HERC3: variants seen among roughly 807,000 people sequenced by gnomAD.
HERC3 encodes the protein probable E3 ubiquitin-protein ligase HERC3.
In HERC3, 58 loss-of-function variants were observed where a neutral mutation model predicts 129.9. The observed-to-expected ratio is 0.45, with a 90% CI of 0.36 to 0.56. The LOEUF (loss-of-function observed/expected upper bound fraction) is 0.56. HERC3 is among the 20% of genes least tolerant of loss of function. HERC3 has a pLI of 0.00. For synonymous variants in HERC3, 430 were observed against 451.0 expected, an observed-to-expected ratio of 0.95 and a Z score of 0.59; for missense variants, 835 against 1,244.2, an observed-to-expected ratio of 0.67 and a Z score of 4.95.
At chr4:88,537,217 A>C in the HERC3 span, among the ~76,000 whole-genome samples, 2 of 152,226 alleles carry the variant, frequency 1.3e-5, no homozygotes, top group Non-Finnish European at 2.9e-5. Context: ...AGCAAAAGGA[A>C]AAGGATTTCT....
the HERC3 span, among the ~76,000 whole-genome samples, chr4:88,536,662 G>A: frequency 9.7e-4 from 147 of 152,164 alleles, no homozygotes; most frequent in Non-Finnish European, 2.0e-3. Context: ...AATATGTCTA[G>A]TACCAAATGT....
chr4:88,688,581 A>T (rs1733724781), intron 23 of HERC3, among the ~76,000 whole-genome samples: 1 of 152,226 alleles, frequency 6.6e-6, no homozygotes, highest in Non-Finnish European at 1.5e-5. Context: ...TTCAAACACT[A>T]ATAGGAAACA....
chr4:88,660,549 G>A (rs1730385402), intron 10 of HERC3, among the ~76,000 whole-genome samples: 1 of 152,132 alleles, frequency 6.6e-6, no homozygotes, highest in Non-Finnish European at 1.5e-5. Context: ...TTACTGCCAG[G>A]CCTTAGGTGA....
chr4:88,559,164 A>C, the HERC3 span, among the ~76,000 whole-genome samples: 3 of 152,302 alleles, frequency 2.0e-5, no homozygotes, highest in African/African-American at 7.2e-5. Flanking sequence ...CTTGGTGATG[A>C]CCTTGAGCAG....
At chr4:88,615,154 T>A (rs1203251548) in intron 3 of HERC3, among the ~76,000 whole-genome samples, 1 of 152,178 alleles carries the variant, frequency 6.6e-6, no homozygotes, top group Non-Finnish European at 1.5e-5. Context: ...TTTTTGTAAA[T>A]CCACCCTTTA....
intron 10 of HERC3, among the ~76,000 whole-genome samples, chr4:88,660,960 T>C (rs1323076227): frequency 6.6e-6 from 1 of 152,166 alleles, no homozygotes; most frequent in African/African-American, 2.4e-5. Flanking sequence ...CAATTTTTCC[T>C]TTTTTGCCTG....
the HERC3 span, among the ~76,000 whole-genome samples, chr4:88,576,698 T>G: frequency 2.0e-5 from 3 of 152,122 alleles, no homozygotes; most frequent in African/African-American, 4.8e-5. Context: ...CCTCTGCTAT[T>G]TTTTTGGATC....
intron 8 of HERC3, among the ~76,000 whole-genome samples, chr4:88,655,657 A>T (rs2282590): frequency 0.053 from 8,046 of 152,228 alleles, 558 homozygotes; most frequent in East Asian, 0.27. Flanking sequence ...GCAGTAGATC[A>T]TTCAGCTCTT....
intron 18 of HERC3, among the ~76,000 whole-genome samples, chr4:88,677,559 TC>T (rs1015853210): frequency 1.3e-5 from 2 of 152,192 alleles, no homozygotes; most frequent in Admixed American, 1.3e-4. Flanking sequence ...TTAGAGATTT[TC>T]AAGAGAAATG....
At chr4:88,602,760 G>A (rs1723152410) in intron 2 of HERC3, among the ~76,000 whole-genome samples, 1 of 152,172 alleles carries the variant, frequency 6.6e-6, no homozygotes, top group Non-Finnish European at 1.5e-5. Context: ...GATCACAGGT[G>A]TGAGCCACTG....
chr4:88,548,745 C>T, the HERC3 span, among the ~76,000 whole-genome samples: 1 of 151,620 alleles, frequency 6.6e-6, no homozygotes, highest in African/African-American at 2.4e-5. Flanking sequence ...ATGGCAACCT[C>T]TGCCTCCCGG....
chr4:88,691,852 A>AT (rs1452775716), intron 23 of HERC3, among the ~76,000 whole-genome samples: 3 of 152,246 alleles, frequency 2.0e-5, no homozygotes, highest in Non-Finnish European at 4.4e-5. Flanking sequence ...TGTAAGAAGA[A>AT]TACCTACTGG....
the HERC3 span, among the ~76,000 whole-genome samples, chr4:88,534,638 T>C: frequency 6.6e-6 from 1 of 152,214 alleles, no homozygotes; most frequent in Non-Finnish European, 1.5e-5. Context: ...GAATGGAATT[T>C]TTCATGGCAT....
chr4:88,578,581 TAA>T, the HERC3 span, among the ~76,000 whole-genome samples: 14 of 114,228 alleles, frequency 1.2e-4, no homozygotes, highest in African/African-American at 1.9e-4. Context: ...AACTCCATCA[TAA>T]AAAAAAAAAA....
the HERC3 span, among the ~76,000 whole-genome samples, chr4:88,578,247 A>G: frequency 6.6e-6 from 1 of 152,200 alleles, no homozygotes; most frequent in African/African-American, 2.4e-5. Flanking sequence ...GAAAAAATGT[A>G]TCTATTGAGC....
chr4:88,537,171 T>G, the HERC3 span, among the ~76,000 whole-genome samples: 1 of 152,228 alleles, frequency 6.6e-6, no homozygotes, highest in Non-Finnish European at 1.5e-5. Context: ...TTTATGAATT[T>G]AAATTTCACC....
intron 3 of HERC3, among the ~76,000 whole-genome samples, chr4:88,608,688 C>T (rs1723943928): frequency 6.6e-6 from 1 of 152,136 alleles, no homozygotes; most frequent in East Asian, 1.9e-4. Context: ...CTTTCTTTTC[C>T]TCCTGTTAAA....
At chr4:88,687,169 G>A in intron 22 of HERC3, 48 bp from the exon 23 acceptor site, 1 of 1,427,106 alleles carries the variant, frequency 7.0e-7, no homozygotes, top group African/African-American at 1.4e-5. Context: ...CTAGAAAGAT[G>A]AATGGTTAAC....
At chr4:88,569,540 T>C in the HERC3 span, among the ~76,000 whole-genome samples, 2 of 152,260 alleles carry the variant, frequency 1.3e-5, no homozygotes, top group African/African-American at 4.8e-5. Context: ...CATTCAGCCA[T>C]CTTGCTCCAC....
Sources: gnomAD v4.1 joint callset for allele counts (sites outside exome capture counted in the v4.1 genomes callset) on GRCh38, gnomAD v4.1.1 for gene constraint, MANE v1.5 for transcripts, NCBI Gene and HGNC (gene_info 2026-07-23, HGNC 2026-07-21) for gene names.